LHFPL3: variants seen among roughly 807,000 people sequenced by gnomAD.
LHFPL3 encodes LHFPL tetraspan subfamily member 3, also known as LHFPL tetraspan subfamily member 3 protein.
A neutral mutation model predicts 19.3 loss-of-function variants in LHFPL3; 5 were observed. The observed-to-expected ratio is 0.26, with a 90% CI of 0.14 to 0.54. The LOEUF (loss-of-function observed/expected upper bound fraction) is 0.54, where lower values mean the gene tolerates loss of function less well. Ranked by LOEUF, LHFPL3 falls within the 20% of genes least tolerant of loss-of-function variation. The pLI, the probability that LHFPL3 is intolerant of heterozygous loss-of-function variation, is 0.94. For synonymous variants in LHFPL3, 133 were observed against 126.2 expected (o/e 1.05, Z -0.36); for missense variants, 249 against 307.4 (o/e 0.81, Z 1.42).
At chr7:104,866,444 A>T (rs566297503) in intron 2 of LHFPL3, among the ~76,000 whole-genome samples, 65 of 152,268 alleles carry the variant, frequency 4.3e-4, no homozygotes, top group African/African-American at 1.5e-3. Context: ...TGATAAAACA[A>T]ACTTTAAACC....
At chr7:104,517,880 G>T (rs1317610152) in intron 1 of LHFPL3, among the ~76,000 whole-genome samples, 1 of 152,054 alleles carries the variant, frequency 6.6e-6, no homozygotes, top group Non-Finnish European at 1.5e-5. Context: ...GTGGGGACCT[G>T]GGGGAGGGAT....
At position 104,870,425 on chromosome 7, in the gene LHFPL3, T is replaced by C. The variant is rs148740967; in HGVS notation, c.683-35762T>C. Among the ~76,000 whole-genome samples, 26 of 152,230 alleles carry C rather than the reference T, an allele frequency of 1.7e-4. No homozygotes were observed. The East Asian group carries it at 5.0e-3, about 29-fold the overall frequency. ...GACTTGCACCTCTGGGAAAGGGGAA[T>C]GGGAACATCTGTCTCCCAGGGCAAG... On this transcript the variant is annotated intron_variant, in intron 2 of 2. Coordinates refer to ENST00000424859, the MANE Select transcript of LHFPL3 (RefSeq NM_199000.3).
chr7:104,528,657 G>T, intron 1 of LHFPL3, among the ~76,000 whole-genome samples: 1 of 152,066 alleles, frequency 6.6e-6, no homozygotes, highest in East Asian at 1.9e-4. Context: ...TTTTTAAAAT[G>T]TTCCAATAAT....
intron 1 of LHFPL3, among the ~76,000 whole-genome samples, chr7:104,681,871 C>T (rs1184095776): frequency 6.6e-6 from 1 of 152,198 alleles, no homozygotes. Flanking sequence ...TACTGGTTTA[C>T]ATTCTCATAT....
At chr7:104,820,431 T>C (rs1430115498) in intron 2 of LHFPL3, among the ~76,000 whole-genome samples, 3 of 152,162 alleles carry the variant, frequency 2.0e-5, no homozygotes, top group African/African-American at 7.2e-5. Flanking sequence ...AAGCCAACCA[T>C]GCCTTGTCAA....
chr7:104,423,235 A>G (rs1025768409), intron 1 of LHFPL3, among the ~76,000 whole-genome samples: 1 of 152,142 alleles, frequency 6.6e-6, no homozygotes, highest in Non-Finnish European at 1.5e-5. Context: ...GCTGTGATGG[A>G]CATTTATAAT....
chr7:104,831,709 C>T (rs1358659638), intron 2 of LHFPL3, among the ~76,000 whole-genome samples: 1 of 149,818 alleles, frequency 6.7e-6, no homozygotes, highest in Admixed American at 6.7e-5. Context: ...CTCCTTCACA[C>T]ACACAAAAAA....
intron 1 of LHFPL3, among the ~76,000 whole-genome samples, chr7:104,385,257 T>A (rs1562881374): frequency 6.6e-6 from 1 of 152,236 alleles, no homozygotes; most frequent in Admixed American, 6.5e-5. Flanking sequence ...CTGCCCATCC[T>A]GTAAACTTCT....
chr7:104,651,892 T>G (rs1220141827), intron 1 of LHFPL3, among the ~76,000 whole-genome samples: 1 of 152,232 alleles, frequency 6.6e-6, no homozygotes, highest in Non-Finnish European at 1.5e-5. Context: ...CAGGCTATTG[T>G]GAGGATTAAA....
intron 1 of LHFPL3, among the ~76,000 whole-genome samples, chr7:104,403,680 G>A (rs1462222371): frequency 6.6e-6 from 1 of 151,784 alleles, no homozygotes; most frequent in African/African-American, 2.4e-5. Flanking sequence ...CCAGGATCTG[G>A]CTGGGAATCT....
At chr7:104,500,469 CAT>C (rs1345522808) in intron 1 of LHFPL3, among the ~76,000 whole-genome samples, 1 of 152,154 alleles carries the variant, frequency 6.6e-6, no homozygotes, top group Admixed American at 6.6e-5. Context: ...GATAAATAGA[CAT>C]ATCTACGAAA....
chr7:104,898,560 G>A (rs985452349), intron 2 of LHFPL3, among the ~76,000 whole-genome samples: 1 of 152,138 alleles, frequency 6.6e-6, no homozygotes, highest in African/African-American at 2.4e-5. Context: ...TTAGGCTCCT[G>A]CCCTCACTCA....
chr7:104,459,717 C>G (rs547348131), intron 1 of LHFPL3, among the ~76,000 whole-genome samples: 2 of 152,108 alleles, frequency 1.3e-5, no homozygotes, highest in Non-Finnish European at 2.9e-5. Flanking sequence ...TTATTCTTGT[C>G]CTTTTGTTCC....
chr7:104,630,435 C>T (rs1791619604), intron 1 of LHFPL3, among the ~76,000 whole-genome samples: 1 of 151,886 alleles, frequency 6.6e-6, no homozygotes, highest in South Asian at 2.1e-4. Context: ...GGGTAGCGTG[C>T]AGATTTGGCT....
chr7:104,465,614 G>A (rs543822710), intron 1 of LHFPL3, among the ~76,000 whole-genome samples: 9 of 152,328 alleles, frequency 5.9e-5, no homozygotes, highest in African/African-American at 2.2e-4. Context: ...GAAGAAGAAT[G>A]AGAGCAAGTG....
At chr7:104,776,198 A>G (rs13310494) in intron 2 of LHFPL3, among the ~76,000 whole-genome samples, 72,504 of 152,072 alleles carry the variant, frequency 0.48, 17,861 homozygotes, top group East Asian at 0.82. Context: ...AAAGTCATCC[A>G]GGCTCCGACT....
intron 2 of LHFPL3, among the ~76,000 whole-genome samples, chr7:104,843,488 G>C (rs988230928): frequency 1.3e-5 from 2 of 152,184 alleles, no homozygotes; most frequent in Admixed American, 1.3e-4. Flanking sequence ...CTTCCTCTCT[G>C]TATTCCATCA....
At position 104,664,325 on chromosome 7, in the gene LHFPL3, T is replaced by C. The variant is rs74301016; in HGVS notation, c.446-72350T>C. Among the ~76,000 whole-genome samples the C allele has an allele frequency of 2.5e-3, 369 of 144,918 alleles. 1 individual carries two copies. Among genetic ancestry groups the C allele is most frequent in the African/African-American group, 8.9e-3 (354 of 39,714 alleles). ...TTTCTTTCAGCTTCTATAAAAAAAA[T>C]GACCCTCCAATTCTTTTTGAATACA... On this transcript the variant is annotated intron_variant, in intron 1 of 2. Coordinates refer to ENST00000424859, the MANE Select transcript of LHFPL3 (RefSeq NM_199000.3).
At chr7:104,614,922 T>TA (rs1316461683) in intron 1 of LHFPL3, among the ~76,000 whole-genome samples, 1 of 151,604 alleles carries the variant, frequency 6.6e-6, no homozygotes, top group African/African-American at 2.4e-5. Context: ...GGCTAATTTT[T>TA]AAAAATTTTT....
Sources: allele counts gnomAD v4.1 joint callset (sites outside exome capture counted in the v4.1 genomes callset), GRCh38; gene constraint gnomAD v4.1.1; transcripts MANE v1.5; gene names NCBI Gene and HGNC (gene_info 2026-07-23, HGNC 2026-07-21).